KIAA1217: variants seen among roughly 807,000 people sequenced by gnomAD.
KIAA1217 encodes the protein KIAA1217, also known as sickle tail protein homolog.
A neutral mutation model predicts 163.9 loss-of-function variants in KIAA1217; 88 were observed. The ratio of observed to expected loss-of-function variants is 0.54; its 90% CI spans 0.45 to 0.64. The LOEUF (loss-of-function observed/expected upper bound fraction) is 0.64, where lower values mean the gene tolerates loss of function less well. Among genes scored for constraint, KIAA1217 ranks in the 30% least tolerant of loss-of-function variants. The pLI is 0.00. For missense variants in KIAA1217, 2,372 were observed against 2,475.0 expected (o/e 0.96, Z 0.88); for synonymous variants, 903 against 923.1 (o/e 0.98, Z 0.39).
At chr10:23,841,586 T>C (rs1032438833) in intron 1 of KIAA1217, among the ~76,000 whole-genome samples, 4 of 152,122 alleles carry the variant, frequency 2.6e-5, no homozygotes, top group Admixed American at 2.0e-4. Context: ...TTCTTTTTTT[T>C]TTCATTTTCT....
Position 24,467,048 on chromosome 10 carries a change from G to GTT in KIAA1217, c.847-6171_847-6170dup, listed in dbSNP as rs147832944. Reference sequence around the variant, plus strand: ...TTTAAACAAATATTTTTTATACTAGGTTTTTTTTTTCTGGAAACAATTTTA... The same window carrying GTT: ...TTTAAACAAATATTTTTTATACTAGGTTTTTTTTTTTTCTGGAAACAATTTTA... On this transcript the variant is annotated intron_variant, in intron 5 of 20. Coordinates refer to ENST00000376454, the MANE Select transcript of KIAA1217 (RefSeq NM_019590.5). 2.3e-4 allele frequency among the ~76,000 whole-genome samples: 35 copies of GTT among 149,370 alleles called. 1 individual carries two copies. The South Asian group carries it at 6.8e-3, about 29-fold the overall frequency.
intron 2 of KIAA1217, among the ~76,000 whole-genome samples, chr10:24,304,026 A>G (rs1351342828): frequency 6.6e-6 from 1 of 152,202 alleles, no homozygotes; most frequent in Non-Finnish European, 1.5e-5. Flanking sequence ...CAGACCAAAT[A>G]TAAGTAAATT....
chr10:24,132,118 G>A (rs2063674962), intron 2 of KIAA1217, among the ~76,000 whole-genome samples: 2 of 152,158 alleles, frequency 1.3e-5, no homozygotes, highest in Non-Finnish European at 2.9e-5. Flanking sequence ...ACCCATGGTA[G>A]AAAATCACGA....
chr10:24,006,751 G>A, intron 1 of KIAA1217, among the ~76,000 whole-genome samples: 1 of 152,110 alleles, frequency 6.6e-6, no homozygotes, highest in East Asian at 1.9e-4. Context: ...GTCTTGTTTG[G>A]CATGGCTGAG....
chr10:23,731,749 T>A (rs6482331), intron 1 of KIAA1217, among the ~76,000 whole-genome samples: 48,551 of 151,896 alleles, frequency 0.32, 9,763 homozygotes, highest in African/African-American at 0.57. Context: ...TTTTTTTTTC[T>A]TAAATATTCT....
At chr10:24,430,406 C>G (rs958859663) in intron 3 of KIAA1217, among the ~76,000 whole-genome samples, 4 of 152,170 alleles carry the variant, frequency 2.6e-5, no homozygotes, top group African/African-American at 9.7e-5. Flanking sequence ...TCAGTGGTCC[C>G]TAGCCTTTTT....
chr10:23,764,955 C>T lies in KIAA1217; in HGVS notation c.-321+69721C>T, dbSNP rs149172919. On this transcript the variant is annotated intron_variant, in intron 1 of 18. Transcript: ENST00000376462. ...TGTATTAGTCTGTTGTTTCATGTTG[C>T]TATAAAGGAATACCTGAGACTGGGT... Among the ~76,000 whole-genome samples the T allele has an allele frequency of 7.6e-3, 1,153 of 152,102 alleles. 9 individuals carry two copies. Among genetic ancestry groups the T allele is most frequent in the African/African-American group, 0.026 (1,061 of 41,474 alleles).
At chr10:23,764,618 A>G (rs1450034178) in intron 1 of KIAA1217, among the ~76,000 whole-genome samples, 1 of 152,222 alleles carries the variant, frequency 6.6e-6, no homozygotes, top group Non-Finnish European at 1.5e-5. Context: ...GCAGCCATAA[A>G]AAAGAATGAG....
At chr10:24,350,401 A>G (rs1477334045) in intron 2 of KIAA1217, among the ~76,000 whole-genome samples, 1 of 152,206 alleles carries the variant, frequency 6.6e-6, no homozygotes, top group Non-Finnish European at 1.5e-5. Flanking sequence ...GTTACTTGGC[A>G]TGACTTCGAT....
intron 1 of KIAA1217, among the ~76,000 whole-genome samples, chr10:23,785,345 A>G (rs1050874332): frequency 5.3e-5 from 8 of 152,184 alleles, no homozygotes; most frequent in African/African-American, 1.9e-4. Context: ...CTGTTCCCTC[A>G]CCTGCAGAAT....
intron 2 of KIAA1217, among the ~76,000 whole-genome samples, chr10:24,013,069 C>T (rs905576608): frequency 6.6e-6 from 1 of 152,096 alleles, no homozygotes; most frequent in Non-Finnish European, 1.5e-5. Context: ...ACTCAAAGTA[C>T]ATTGTAAACA....
At chr10:24,249,097 A>G (rs559161358) in intron 2 of KIAA1217, among the ~76,000 whole-genome samples, 2 of 152,240 alleles carry the variant, frequency 1.3e-5, no homozygotes, top group Non-Finnish European at 2.9e-5. Context: ...ATCAGTACCT[A>G]TCTTCACTGT....
intron 1 of KIAA1217, among the ~76,000 whole-genome samples, chr10:24,217,619 G>A (rs1359302523): frequency 6.6e-6 from 1 of 152,116 alleles, no homozygotes; most frequent in Non-Finnish European, 1.5e-5. Context: ...ATCTTTCTAG[G>A]CAAAGACAAG....
At chr10:24,378,371 T>C (rs2052809352) in intron 2 of KIAA1217, among the ~76,000 whole-genome samples, 1 of 152,084 alleles carries the variant, frequency 6.6e-6, no homozygotes, top group Non-Finnish European at 1.5e-5. Context: ...CCCTGTACTT[T>C]ATTGCCCAGT....
intron 2 of KIAA1217, among the ~76,000 whole-genome samples, chr10:24,283,828 G>A (rs78997093): frequency 0.011 from 1,646 of 152,026 alleles, 30 homozygotes; most frequent in East Asian, 0.084. Context: ...ATAGTAGTGT[G>A]TAGTAGTATC....
rs768748392 is a variant in KIAA1217 at position 24,501,514 on chromosome 10, G to A, written c.1970G>A (p.Arg657Lys). The change falls in exon 9 of 21, where the codon AGG (arginine) becomes AAG (lysine). Residue 657 changes from arginine to lysine, a missense_variant. Physicochemically the swap from Arg to Lys is conservative, Grantham distance 26. Around this residue, in one of 3 missense-constraint regions of KIAA1217, gnomAD observed 1,431 missense variants for 1,470.3 expected, o/e 0.97. Transcript: ENST00000376454. ...ATGAGGCGGAGCGTGGCGGAACTCA[G>A]GCTCCAGCTCCAGCAGATGCGGCAG... is the stretch of plus-strand genomic sequence containing the variant. ...LEMRRSVAEL[R>K]LQLQQMRQLQ... 1 of 1,613,682 alleles carries A rather than the reference G, an allele frequency of 6.2e-7. No homozygotes were observed. Among genetic ancestry groups the A allele is most frequent in the Non-Finnish European group, 8.5e-7 (1 of 1,179,864 alleles).
At chr10:24,535,210 G>A (rs1443236759) in intron 16 of KIAA1217, among the ~76,000 whole-genome samples, 2 of 152,108 alleles carry the variant, frequency 1.3e-5, no homozygotes, top group Admixed American at 6.5e-5. Flanking sequence ...CTAAGTAAGC[G>A]GATAAACCAA....
At chr10:24,518,769 C>T (rs995631847) in intron 10 of KIAA1217, among the ~76,000 whole-genome samples, 3 of 152,164 alleles carry the variant, frequency 2.0e-5, no homozygotes, top group Non-Finnish European at 4.4e-5. Flanking sequence ...GGAAGTTTCC[C>T]GTGGGTGTGT....
intron 1 of KIAA1217, among the ~76,000 whole-genome samples, chr10:23,791,887 A>G (rs1320131432): frequency 1.3e-5 from 2 of 152,138 alleles, no homozygotes; most frequent in African/African-American, 4.8e-5. Flanking sequence ...TTTCTCTGTT[A>G]TCTAGACACT....
Sources: gnomAD v4.1 joint callset for allele counts (sites outside exome capture counted in the v4.1 genomes callset) on GRCh38, gnomAD v4.1.1 for gene constraint, gnomAD v4.1.1 regional missense constraint, MANE v1.5 for transcripts, NCBI Gene and HGNC (gene_info 2026-07-23, HGNC 2026-07-21) for gene names.